The following SDK1 variants were observed in gnomAD, a reference collection of about 807,000 sequenced individuals.
SDK1 encodes protein sidekick-1.
Under a neutral mutation model 245.5 loss-of-function variants are expected in SDK1, and 157 were observed. That is an observed-to-expected ratio of 0.64 (90% CI 0.56 to 0.73). The LOEUF (loss-of-function observed/expected upper bound fraction) is 0.73. Ranked by LOEUF, SDK1 falls within the 30% of genes least tolerant of loss-of-function variation. The pLI, the probability that SDK1 is intolerant of heterozygous loss-of-function variation, is 0.00. For synonymous variants in SDK1, 1,647 were observed against 1,278.5 expected (o/e 1.29, Z -6.15); for missense variants, 3,583 against 3,002.3 (o/e 1.19, Z -4.52).
intron 1 of SDK1, among the ~76,000 whole-genome samples, chr7:3,348,024 G>C (rs1404438649): frequency 1.3e-5 from 2 of 152,086 alleles, no homozygotes; most frequent in Non-Finnish European, 2.9e-5. Flanking sequence ...TTATAACAGA[G>C]GATGAGGTGG....
At chr7:3,917,813 T>G (rs1191138998) in intron 5 of SDK1, among the ~76,000 whole-genome samples, 1 of 152,186 alleles carries the variant, frequency 6.6e-6, no homozygotes, top group Non-Finnish European at 1.5e-5. Context: ...CACATGCACA[T>G]GTATGTAGAT....
At chr7:3,654,580 T>A (rs1176450612) in intron 4 of SDK1, among the ~76,000 whole-genome samples, 2 of 152,224 alleles carry the variant, frequency 1.3e-5, no homozygotes, top group African/African-American at 4.8e-5. Context: ...TTGGACTTAA[T>A]GAAGGTCACT....
chr7:4,051,588 G>C (rs375181074), intron 18 of SDK1, 50 bp from the exon 19 acceptor site: 85 of 1,513,506 alleles, frequency 5.6e-5, no homozygotes, highest in Non-Finnish European at 3.6e-5. Context: ...CATGAGTGTG[G>C]AGAAATGCCA....
chr7:3,545,435 C>T (rs1052689016), intron 1 of SDK1, among the ~76,000 whole-genome samples: 1 of 152,184 alleles, frequency 6.6e-6, no homozygotes, highest in Admixed American at 6.5e-5. Context: ...TGATGGGGAT[C>T]GTGGTTTTCC....
chr7:3,495,086 G>A (rs1781983699), intron 1 of SDK1, among the ~76,000 whole-genome samples: 1 of 151,978 alleles, frequency 6.6e-6, no homozygotes, highest in Non-Finnish European at 1.5e-5. Flanking sequence ...TCCCTGTCTT[G>A]GTTGATGACA....
At chr7:3,633,515 A>G (rs557307586) in intron 2 of SDK1, among the ~76,000 whole-genome samples, 23 of 152,256 alleles carry the variant, frequency 1.5e-4, no homozygotes, top group Non-Finnish European at 3.2e-4. Flanking sequence ...ACTTCTTATA[A>G]CAGGTAAATG....
intron 1 of SDK1, among the ~76,000 whole-genome samples, chr7:3,549,141 G>C (rs1372983408): frequency 6.6e-6 from 1 of 152,208 alleles, no homozygotes; most frequent in South Asian, 2.1e-4. Flanking sequence ...CTGTGTGAAG[G>C]CTTCCTCCTG....
At chr7:3,587,548 AAGAAGAGAGAAGGC>A (rs1780730440) in intron 1 of SDK1, among the ~76,000 whole-genome samples, 1 of 152,204 alleles carries the variant, frequency 6.6e-6, no homozygotes, top group South Asian at 2.1e-4. Flanking sequence ...CTGAGCTGTC[AAGAAGAGAGAAGGC>A]AGTGTGAATC....
chr7:3,460,420 A>T (rs1363592877), intron 1 of SDK1, among the ~76,000 whole-genome samples: 7 of 152,370 alleles, frequency 4.6e-5, no homozygotes, highest in Middle Eastern at 6.8e-3. Flanking sequence ...GAAAATATGA[A>T]TTAAGAATTG....
intron 5 of SDK1, among the ~76,000 whole-genome samples, chr7:3,837,891 C>T (rs1378737255): frequency 6.6e-6 from 1 of 152,168 alleles, no homozygotes; most frequent in Non-Finnish European, 1.5e-5. Flanking sequence ...GTCAAACTGG[C>T]CACATGACCC....
chr7:3,411,189 C>T (rs553245050), intron 1 of SDK1, among the ~76,000 whole-genome samples: 2 of 151,950 alleles, frequency 1.3e-5, no homozygotes, highest in Admixed American at 6.6e-5. Flanking sequence ...CCAAGAGAGC[C>T]GGGAAGATAA....
chr7:3,957,947 A>G (rs929198036), intron 7 of SDK1: 2 of 470,320 alleles, frequency 4.3e-6, no homozygotes, highest in Non-Finnish European at 8.8e-6. Context: ...GAAGTGAAAC[A>G]TCACTTTGCC....
intron 4 of SDK1, among the ~76,000 whole-genome samples, chr7:3,672,547 C>T: frequency 7.1e-6 from 1 of 141,554 alleles, no homozygotes; most frequent in Non-Finnish European, 1.5e-5. Flanking sequence ...TTTATAGATC[C>T]CAGAGTGAGA....
intron 40 of SDK1, among the ~76,000 whole-genome samples, chr7:4,223,289 G>T (rs1020485512): frequency 6.6e-6 from 1 of 151,576 alleles, no homozygotes; most frequent in Non-Finnish European, 1.5e-5. Flanking sequence ...ACTAGAATTT[G>T]GCATTTCCTG....
intron 4 of SDK1, among the ~76,000 whole-genome samples, chr7:3,761,562 A>T (rs547444067): frequency 2.1e-4 from 32 of 151,430 alleles, no homozygotes; most frequent in African/African-American, 7.5e-4. Flanking sequence ...TCAAAAAAAA[A>T]AAAAATAATA....
chr7:4,267,227 TC>T lies in SDK1; in HGVS notation c.*1846del. ...CTTTACCCCTCCTTTCCTTCCTTCCTCCCTTCCTCTCTTCTTTCCTCCCTCC... is the reference window on the plus strand; with the variant it reads ...CTTTACCCCTCCTTTCCTTCCTTCCTCCTTCCTCTCTTCTTTCCTCCCTCC... On this transcript the variant is annotated 3_prime_UTR_variant, in exon 45 of 45. Coordinates refer to ENST00000404826, the MANE Select transcript of SDK1 (RefSeq NM_152744.4). 1 of 861,140 alleles carries T rather than the reference TC, an allele frequency of 1.2e-6. No homozygotes were observed. The highest frequency in any genetic ancestry group is 1.4e-6 in the Non-Finnish European group (1 of 718,374). 53.3% of individuals were successfully genotyped at this position (861,140 alleles called of 1,614,324 possible).
chr7:3,346,991 C>T (rs1583717406), intron 1 of SDK1, among the ~76,000 whole-genome samples: 1 of 150,880 alleles, frequency 6.6e-6, no homozygotes, highest in Non-Finnish European at 1.5e-5. Context: ...TATTTATTCT[C>T]CTCCTTCTCT....
chr7:3,761,553 C>CAA (rs1307806673), intron 4 of SDK1, among the ~76,000 whole-genome samples: 8 of 99,438 alleles, frequency 8.0e-5, no homozygotes, highest in East Asian at 3.0e-4. Flanking sequence ...GACTCCATCT[C>CAA]AAAAAAAAAA....
intron 1 of SDK1, among the ~76,000 whole-genome samples, chr7:3,381,210 C>G (rs767842668): frequency 3.4e-4 from 52 of 152,112 alleles, no homozygotes; most frequent in Non-Finnish European, 1.6e-4. Context: ...CAAAGGGAAC[C>G]AAGAACGAGG....
Sources: gnomAD v4.1 joint callset for allele counts (sites outside exome capture counted in the v4.1 genomes callset) on GRCh38, gnomAD v4.1.1 for gene constraint, MANE v1.5 for transcripts, NCBI Gene and HGNC (gene_info 2026-07-23, HGNC 2026-07-21) for gene names.